The following CNTNAP5 variants were observed in gnomAD, a reference collection of about 807,000 sequenced individuals.
CNTNAP5 encodes contactin associated protein family member 5.
CNTNAP5 carries 72 observed loss-of-function variants against 150.2 expected under a neutral mutation model. The observed-to-expected ratio is 0.48, with a 90% confidence interval of 0.40 to 0.58. The LOEUF (loss-of-function observed/expected upper bound fraction) is 0.58, where lower values mean the gene tolerates loss of function less well. Ranked by LOEUF, CNTNAP5 falls within the 20% of genes least tolerant of loss-of-function variation. The pLI, the probability that CNTNAP5 is intolerant of heterozygous loss-of-function variation, is 0.00. For missense variants in CNTNAP5, 1,636 were observed against 1,626.2 expected (o/e 1.01, Z -0.10); for synonymous variants, 672 against 619.8 (o/e 1.08, Z -1.25).
At chr2:124,388,602 T>A (rs1052272104) in intron 3 of CNTNAP5, among the ~76,000 whole-genome samples, 4 of 152,224 alleles carry the variant, frequency 2.6e-5, no homozygotes, top group African/African-American at 9.6e-5. Context: ...CCGCTCCTTG[T>A]CTTTCATAAT....
intron 6 of CNTNAP5, among the ~76,000 whole-genome samples, chr2:124,471,039 G>A (rs547332023): frequency 2.6e-5 from 4 of 152,066 alleles, no homozygotes; most frequent in Admixed American, 1.3e-4. Context: ...GCTTAGGATT[G>A]TCTTGGCTAT....
At chr2:124,135,550 A>T (rs1042273864) in intron 1 of CNTNAP5, among the ~76,000 whole-genome samples, 11 of 152,234 alleles carry the variant, frequency 7.2e-5, no homozygotes, top group African/African-American at 2.4e-4. Flanking sequence ...AAGTGCTCAT[A>T]AGAAGAACTT....
intron 13 of CNTNAP5, among the ~76,000 whole-genome samples, chr2:124,726,567 G>C (rs1042465234): frequency 6.6e-6 from 1 of 152,004 alleles, no homozygotes; most frequent in Non-Finnish European, 1.5e-5. Context: ...TTATAGCAGT[G>C]TGAAAACAGA....
chr2:124,069,102 G>C (rs1257264202), intron 1 of CNTNAP5, among the ~76,000 whole-genome samples: 3 of 152,036 alleles, frequency 2.0e-5, no homozygotes, highest in African/African-American at 7.2e-5. Flanking sequence ...AGCCAGAGGG[G>C]AGCCCATTGC....
chr2:124,369,331 A>C (rs1458233843), intron 3 of CNTNAP5, among the ~76,000 whole-genome samples: 1 of 152,142 alleles, frequency 6.6e-6, no homozygotes, highest in African/African-American at 2.4e-5. Flanking sequence ...ATCTAATTAC[A>C]AACAGTCAAT....
chr2:124,215,712 C>CA (rs397985759), intron 1 of CNTNAP5, among the ~76,000 whole-genome samples: 10,808 of 81,854 alleles, frequency 0.13, 588 homozygotes, highest in Non-Finnish European at 0.18. Flanking sequence ...AGAAGAAAGG[C>CA]AAAAAAAAAA....
chr2:124,027,952 T>C (rs554950150), intron 1 of CNTNAP5, among the ~76,000 whole-genome samples: 8 of 152,298 alleles, frequency 5.3e-5, no homozygotes, highest in African/African-American at 1.9e-4. Context: ...ACAATTCCTT[T>C]AGATTTCTAC....
At position 124,214,180 on chromosome 2, in the gene CNTNAP5, G is replaced by A. The variant is rs780603306; in HGVS notation, c.83-7525G>A. Among the ~76,000 whole-genome samples, 117 of 152,190 alleles carry A rather than the reference G, an allele frequency of 7.7e-4. 2 individuals carry two copies. Among genetic ancestry groups the A allele is most frequent in the Non-Finnish European group, 2.9e-4 (20 of 68,036 alleles). ...AAAGCTGCACCAGGAGGCTCCCAAGGAGTCAGGCCTGCTGCTGCTACCTTG... is the reference window on the plus strand; with the variant it reads ...AAAGCTGCACCAGGAGGCTCCCAAGAAGTCAGGCCTGCTGCTGCTACCTTG... On this transcript the variant is annotated intron_variant, in intron 1 of 23. Coordinates refer to ENST00000682447, the MANE Select transcript of CNTNAP5 (RefSeq NM_001367498.1).
intron 6 of CNTNAP5, among the ~76,000 whole-genome samples, chr2:124,449,059 C>A (rs182025370): frequency 5.1e-4 from 77 of 152,218 alleles, no homozygotes; most frequent in African/African-American, 1.6e-3. Context: ...ATTGAGAAAT[C>A]GGGACTTATT....
intron 12 of CNTNAP5, 137 bp downstream of exon 12, chr2:124,610,057 A>G: frequency 2.1e-6 from 2 of 957,204 alleles, no homozygotes; most frequent in Non-Finnish European, 2.9e-6. Context: ...AGGAAATGGT[A>G]TTCTGGTGAG....
intron 13 of CNTNAP5, among the ~76,000 whole-genome samples, chr2:124,684,495 A>T (rs993966163): frequency 3.9e-5 from 6 of 152,094 alleles, no homozygotes; most frequent in Non-Finnish European, 7.4e-5. Flanking sequence ...CTCCCTGGAG[A>T]GCTGACTTTC....
At chr2:124,130,902 T>C (rs1374305834) in intron 1 of CNTNAP5, among the ~76,000 whole-genome samples, 1 of 152,134 alleles carries the variant, frequency 6.6e-6, no homozygotes, top group East Asian at 1.9e-4. Context: ...ATTATTTGTA[T>C]GCTTTTCCTC....
At chr2:124,815,109 G>A (rs1370913295) in intron 19 of CNTNAP5, among the ~76,000 whole-genome samples, 2 of 152,128 alleles carry the variant, frequency 1.3e-5, no homozygotes, top group Non-Finnish European at 2.9e-5. Context: ...CCAGCTCTCC[G>A]TAGCAATAAC....
intron 1 of CNTNAP5, among the ~76,000 whole-genome samples, chr2:124,161,216 T>A (rs894583188): frequency 3.3e-5 from 5 of 151,792 alleles, no homozygotes; most frequent in African/African-American, 1.2e-4. Flanking sequence ...ATAGATAGGG[T>A]GAGATAGATG....
rs147548369 is a variant in CNTNAP5, at chr2:124,271,658, A to AATCTATCTATCTATCT, written c.381+29293_381+29308dup. Among the ~76,000 whole-genome samples the AATCTATCTATCTATCT allele has an allele frequency of 7.8e-4, 111 of 141,520 alleles. 1 individual carries two copies. The highest frequency in any genetic ancestry group is 7.3e-4 in the Non-Finnish European group (48 of 65,844). The allele number at this position is 141,520 out of a possible 152,430, so 92.8% of individuals were successfully genotyped here. ...AATTTCCTTCATTTAGTTTTTTTTT[A>AATCTATCTATCTATCT]ATCTATCTATCTATCTATCTATCTA... is the stretch of plus-strand genomic sequence containing the variant. On this transcript the variant is annotated intron_variant, in intron 3 of 23. Coordinates refer to ENST00000682447, the MANE Select transcript of CNTNAP5 (RefSeq NM_001367498.1).
intron 16 of CNTNAP5, among the ~76,000 whole-genome samples, chr2:124,768,535 A>T (rs1482350675): frequency 6.6e-6 from 1 of 152,238 alleles, no homozygotes; most frequent in Non-Finnish European, 1.5e-5. Context: ...ACACTATACA[A>T]TTCTTTACAT....
chr2:124,808,163 A>C (rs537956407), intron 19 of CNTNAP5, among the ~76,000 whole-genome samples: 5 of 152,344 alleles, frequency 3.3e-5, no homozygotes, highest in African/African-American at 1.2e-4. Context: ...ACTTTCTTGG[A>C]ACAAGTGATT....
intron 13 of CNTNAP5, among the ~76,000 whole-genome samples, chr2:124,665,846 A>T (rs1678689184): frequency 6.6e-6 from 1 of 151,296 alleles, no homozygotes; most frequent in Non-Finnish European, 1.5e-5. Flanking sequence ...AGATCAAGCC[A>T]CTGCACTCCG....
intron 1 of CNTNAP5, among the ~76,000 whole-genome samples, chr2:124,123,857 GA>G (rs1267405297): frequency 6.6e-6 from 1 of 152,138 alleles, no homozygotes; most frequent in Non-Finnish European, 1.5e-5. Flanking sequence ...CTGTTAGAAG[GA>G]AAACTAACAA....
Sources: gnomAD v4.1 joint callset for allele counts (sites outside exome capture counted in the v4.1 genomes callset) on GRCh38, gnomAD v4.1.1 for gene constraint, MANE v1.5 for transcripts, NCBI Gene and HGNC (gene_info 2026-07-23, HGNC 2026-07-21) for gene names.